The following PCDH15 variants were observed in gnomAD, a reference collection of about 807,000 sequenced individuals.
PCDH15 encodes the protein protocadherin-15.
In PCDH15, 129 loss-of-function variants were observed where a neutral mutation model predicts 178.5. The observed-to-expected ratio is 0.72, with a 90% CI of 0.63 to 0.84. The LOEUF is 0.84. Ranked by LOEUF, PCDH15 falls within the 40% of genes least tolerant of loss-of-function variation. The pLI, the probability that PCDH15 is intolerant of heterozygous loss-of-function variation, is 0.00. For synonymous variants in PCDH15, 800 were observed against 732.0 expected, an observed-to-expected ratio of 1.09 and a Z score of -1.50; for missense variants, 2,230 against 2,099.9, an observed-to-expected ratio of 1.06 and a Z score of -1.21.
At chr10:55,208,045 G>T (rs1348639192) in intron 1 of PCDH15, among the ~76,000 whole-genome samples, 4 of 152,078 alleles carry the variant, frequency 2.6e-5, no homozygotes, top group Non-Finnish European at 5.9e-5. Context: ...TGTAATGAAT[G>T]AATAAAAGAT....
At chr10:55,214,739 G>A (rs1438772062) in intron 1 of PCDH15, among the ~76,000 whole-genome samples, 1 of 151,994 alleles carries the variant, frequency 6.6e-6, no homozygotes, top group African/African-American at 2.4e-5. Context: ...AGTCTCCAGA[G>A]TAGCTGGGAC....
intron 9 of PCDH15, among the ~76,000 whole-genome samples, chr10:54,223,323 A>AAAAAG (rs1554845568): frequency 3.2e-5 from 4 of 123,770 alleles, no homozygotes; most frequent in African/African-American, 8.7e-5. Flanking sequence ...AAAAAAAAAA[A>AAAAAG]AGAGAAATTG....
chr10:54,503,922 C>T (rs1271599413), intron 3 of PCDH15, among the ~76,000 whole-genome samples: 1 of 152,044 alleles, frequency 6.6e-6, no homozygotes, highest in African/African-American at 2.4e-5. Flanking sequence ...CCCCTGATGC[C>T]TGAGGCCAAT....
intron 2 of PCDH15, among the ~76,000 whole-genome samples, chr10:54,998,498 TA>T (rs1000951950): frequency 9.9e-5 from 15 of 151,314 alleles, no homozygotes; most frequent in Non-Finnish European, 1.5e-4. Context: ...TCATCACAAT[TA>T]AAAAAAAATT....
rs148526893 is a variant in PCDH15, at chr10:54,598,146, C to A, written c.91+66026G>T. 5.0e-3 allele frequency among the ~76,000 whole-genome samples: 758 copies of A among 152,160 alleles called. 1 individual carries two copies. The highest frequency in any genetic ancestry group is 6.7e-3 in the Non-Finnish European group (454 of 67,984). On this transcript the variant is annotated intron_variant, in intron 2 of 37. Transcript: ENST00000644397. ...ACTCATTCTATGAGGCCAGTATCATCCTGATAACAAAACCTGGCAGAGACA... is the reference window on the plus strand; with the variant it reads ...ACTCATTCTATGAGGCCAGTATCATACTGATAACAAAACCTGGCAGAGACA...
chr10:55,626,864 CT>C (rs1289499807), intron 2 of PCDH15, among the ~76,000 whole-genome samples: 1 of 152,154 alleles, frequency 6.6e-6, no homozygotes, highest in African/African-American at 2.4e-5. Flanking sequence ...GGAAAGAAGT[CT>C]TTTATCATCC....
intron 2 of PCDH15, among the ~76,000 whole-genome samples, chr10:55,107,189 A>G (rs571976091): frequency 6.6e-6 from 1 of 152,310 alleles, no homozygotes; most frequent in Admixed American, 6.5e-5. Context: ...CTATTGGTAT[A>G]CACTTAAAGG....
At chr10:54,850,606 T>C (rs1243566030) in intron 3 of PCDH15, among the ~76,000 whole-genome samples, 1 of 152,152 alleles carries the variant, frequency 6.6e-6, no homozygotes, top group East Asian at 1.9e-4. Flanking sequence ...ATAATGTATG[T>C]GTAACCCAAA....
chr10:55,303,339 G>A (rs768079081), intron 1 of PCDH15, among the ~76,000 whole-genome samples: 26 of 152,138 alleles, frequency 1.7e-4, no homozygotes, highest in Non-Finnish European at 1.2e-4. Flanking sequence ...GAATCAGATT[G>A]TTGTAGTTTA....
intron 2 of PCDH15, among the ~76,000 whole-genome samples, chr10:55,148,818 G>C (rs1212680030): frequency 6.7e-6 from 1 of 149,028 alleles, no homozygotes; most frequent in South Asian, 2.1e-4. Context: ...TTATACAGCA[G>C]TCTATTTCAA....
chr10:54,536,866 T>A (rs2084590739), intron 2 of PCDH15, among the ~76,000 whole-genome samples: 1 of 152,178 alleles, frequency 6.6e-6, no homozygotes, highest in African/African-American at 2.4e-5. Flanking sequence ...CTATGGTGCA[T>A]GTGCAGCACG....
chr10:55,575,666 G>A (rs1842482271), intron 2 of PCDH15: 1 of 152,164 alleles, frequency 6.6e-6, no homozygotes, highest in African/African-American at 2.4e-5. Context: ...GTTGTCAAAT[G>A]TGCATGTCCG....
At chr10:54,409,977 T>C (rs1953249903) in intron 3 of PCDH15, among the ~76,000 whole-genome samples, 1 of 152,170 alleles carries the variant, frequency 6.6e-6, no homozygotes, top group African/African-American at 2.4e-5. Flanking sequence ...TTTTCTTTAT[T>C]AATTACCCAG....
rs144777652 is a variant in PCDH15 at position 54,538,654 on chromosome 10, C to G, written c.92-10777G>C. 9.5e-3 allele frequency among the ~76,000 whole-genome samples: 1,444 copies of G among 152,204 alleles called. 18 individuals are homozygous for G. The highest frequency in any genetic ancestry group is 0.033 in the African/African-American group (1,364 of 41,522). ...AGGGGCTGGTGGGATAAAACTGGAT[C>G]ATGGGTGTAGGATTTGCCCTTGCTG... is the stretch of plus-strand genomic sequence containing the variant. On this transcript the variant is annotated intron_variant, in intron 2 of 37. Coordinates refer to ENST00000644397, the MANE Select transcript of PCDH15 (RefSeq NM_001384140.1).
At chr10:55,008,038 C>T (rs1839972419) in intron 2 of PCDH15, among the ~76,000 whole-genome samples, 1 of 151,888 alleles carries the variant, frequency 6.6e-6, no homozygotes, top group Non-Finnish European at 1.5e-5. Context: ...GATTACTTCC[C>T]AGTATTTCTT....
intron 3 of PCDH15, among the ~76,000 whole-genome samples, chr10:54,423,787 G>C (rs111569132): frequency 0.013 from 2,043 of 151,934 alleles, 92 homozygotes; most frequent in African/African-American, 0.047. Context: ...GACTCATGCT[G>C]GGTTGAAAAT....
At chr10:54,124,294 T>C (rs571015610) in intron 15 of PCDH15, among the ~76,000 whole-genome samples, 2 of 152,156 alleles carry the variant, frequency 1.3e-5, no homozygotes, top group African/African-American at 4.8e-5. Context: ...GTCAAATTAA[T>C]AGAGACAGAA....
chr10:54,149,177 G>A (rs151065988), intron 14 of PCDH15, among the ~76,000 whole-genome samples: 11 of 151,934 alleles, frequency 7.2e-5, no homozygotes, highest in South Asian at 4.2e-4. Flanking sequence ...CTTCATTATC[G>A]TAAGTTCCCC....
At chr10:55,007,487 C>T (rs1839960637) in intron 2 of PCDH15, among the ~76,000 whole-genome samples, 1 of 137,676 alleles carries the variant, frequency 7.3e-6, no homozygotes, top group Middle Eastern at 3.9e-3. Context: ...CTAATATTGT[C>T]AAAATGTTTA....
Sources: allele counts gnomAD v4.1 joint callset (sites outside exome capture counted in the v4.1 genomes callset), GRCh38; gene constraint gnomAD v4.1.1; transcripts MANE v1.5; gene names NCBI Gene and HGNC (gene_info 2026-07-23, HGNC 2026-07-21).